HYKK: variants seen among roughly 807,000 people sequenced by gnomAD.
HYKK encodes hydroxylysine kinase.
In HYKK, 19 loss-of-function variants were observed where a neutral mutation model predicts 29.7. That is an observed-to-expected ratio of 0.64 (90% CI 0.45 to 0.94). HYKK has a LOEUF of 0.94. Among genes scored for constraint, HYKK ranks in the 40% least tolerant of loss-of-function variants. The probability of loss-of-function intolerance (pLI) is 0.00; values close to 1 mark genes in which losing one functional copy is unlikely to be tolerated. For synonymous variants in HYKK, 152 were observed against 158.1 expected (o/e 0.96, Z 0.29); for missense variants, 390 against 443.4 (o/e 0.88, Z 1.08).
chr15:78,527,107 C>G (rs2052262045), intron 3 of HYKK, among the ~76,000 whole-genome samples: 1 of 150,312 alleles, frequency 6.7e-6, no homozygotes, highest in South Asian at 2.1e-4. Context: ...GAAACCCTGT[C>G]TCTACTAATA....
chr15:78,517,146 C>G (rs982737805), intron 3 of HYKK, among the ~76,000 whole-genome samples: 1 of 94,810 alleles, frequency 1.1e-5, no homozygotes, highest in Non-Finnish European at 2.0e-5. Context: ...GAGTTTCTGT[C>G]TGTTGCCCAG....
intron 1 of HYKK, among the ~76,000 whole-genome samples, chr15:78,511,489 A>G (rs183831983): frequency 6.6e-6 from 1 of 152,124 alleles, no homozygotes; most frequent in Admixed American, 6.5e-5. Flanking sequence ...TGGGATTACA[A>G]AGCAGAGGCA....
At chr15:78,518,770 C>T in intron 3 of HYKK, 1 of 328,310 alleles carries the variant, frequency 3.0e-6, no homozygotes, top group Non-Finnish European at 6.1e-6. Context: ...CAAAAATTAG[C>T]CAGGTATGGT....
At chr15:78,513,007 C>T in intron 1 of HYKK, 77 bp from the exon 2 acceptor site, 1 of 758,042 alleles carries the variant, frequency 1.3e-6, no homozygotes. Context: ...CATTACTGGT[C>T]TGTCTTGAGA....
At chr15:78,520,827 G>A (rs999220468) in intron 3 of HYKK, among the ~76,000 whole-genome samples, 15 of 149,156 alleles carry the variant, frequency 1.0e-4, no homozygotes, top group African/African-American at 2.0e-4. Flanking sequence ...GGGCAGAGGC[G>A]CCCCTCACCT....
rs2052098622 is a variant in HYKK at position 78,513,666 on chromosome 15, T to C, written c.337+241T>C. On this transcript the variant is annotated intron_variant, in intron 2 of 4. Coordinates refer to ENST00000388988, the MANE Select transcript of HYKK (RefSeq NM_001013619.4). ...GAGTAGTGGTTAGAGCCCAATGTGG[T>C]ATAAGTTTTCTGTTTAGAAAGGCCC... Among the ~76,000 whole-genome samples, 5 of 152,292 alleles carry C rather than the reference T, an allele frequency of 3.3e-5. No individual in the cohort carries two copies. The South Asian group carries it at 1.0e-3, about 32-fold the overall frequency.
chr15:78,513,610 C>T lies in HYKK; in HGVS notation c.337+185C>T, dbSNP rs1388671971. 3.3e-5 allele frequency among the ~76,000 whole-genome samples: 5 copies of T among 152,112 alleles called. No homozygotes were observed. In the East Asian group the frequency reaches 5.8e-4, roughly 18 times the overall value. On this transcript the variant is annotated intron_variant, in intron 2 of 4. Transcript: ENST00000388988. Reference sequence around the variant, plus strand: ...TTTTCGGTGCTGGGAGAAGCTACAGCGTCATCAAAGTGGTGATTGGTCCTC... The same window carrying T: ...TTTTCGGTGCTGGGAGAAGCTACAGTGTCATCAAAGTGGTGATTGGTCCTC...
At chr15:78,520,871 A>AC (rs1203463791) in intron 3 of HYKK, among the ~76,000 whole-genome samples, 18 of 140,374 alleles carry the variant, frequency 1.3e-4, no homozygotes, top group East Asian at 4.3e-4. Flanking sequence ...CGGGGGGCTG[A>AC]CCCCCCCACC....
rs376488932 is a variant in HYKK at position 78,533,456 on chromosome 15, G to A, written c.908G>A (p.Gly303Asp). The stretch of plus-strand genomic sequence containing the variant: ...ACCCCACTGACAGCTGTAGAGAAGG[G>A]TGCTTTGTTTTTACTTGTATGCAGT... ...SITPLTAVEK[G>D]ALFLLVCSRF... Residue 303 changes from glycine (G) to aspartate (D), a missense_variant, in exon 5 of 5, where the codon GGT becomes GAT. Gly to Asp is a moderately conservative substitution (Grantham distance 94). Coordinates refer to ENST00000388988, the MANE Select transcript of HYKK (RefSeq NM_001013619.4). The A allele has an allele frequency of 9.9e-5, 159 of 1,614,070 alleles. No homozygotes were observed. Among genetic ancestry groups the A allele is most frequent in the Non-Finnish European group, 1.3e-4 (151 of 1,180,042 alleles).
At chr15:78,529,078 T>A (rs1265585787) in intron 4 of HYKK, among the ~76,000 whole-genome samples, 1 of 152,174 alleles carries the variant, frequency 6.6e-6, no homozygotes, top group Non-Finnish European at 1.5e-5. Context: ...TCAAATTCTA[T>A]CCATTCTTTC....
downstream of HYKK, chr15:78,537,276 A>T (rs766500950): frequency 3.1e-6 from 2 of 638,654 alleles, no homozygotes; most frequent in African/African-American, 3.6e-5. Context: ...CATAAATTAA[A>T]TATTTATTTT....
chr15:78,508,825 C>T (rs2052040623), intron 1 of HYKK, among the ~76,000 whole-genome samples: 3 of 135,734 alleles, frequency 2.2e-5, no homozygotes, highest in Non-Finnish European at 4.6e-5. Flanking sequence ...AGGAGGATTG[C>T]TTGAGCCCAG....
chr15:78,521,281 G>A (rs2052193572), intron 3 of HYKK, among the ~76,000 whole-genome samples: 1 of 151,998 alleles, frequency 6.6e-6, no homozygotes, highest in Non-Finnish European at 1.5e-5. Context: ...TCCTCAGATG[G>A]GCTGGAAGTC....
intron 3 of HYKK, among the ~76,000 whole-genome samples, chr15:78,517,286 C>T (rs2052145821): frequency 6.6e-6 from 1 of 151,666 alleles, no homozygotes; most frequent in African/African-American, 2.4e-5. Flanking sequence ...TTAAGACTTT[C>T]TCTTGAGGCC....
chr15:78,514,796 G>A (rs1029108281), intron 2 of HYKK, among the ~76,000 whole-genome samples, 172 bp from the exon 3 acceptor site: 3 of 151,778 alleles, frequency 2.0e-5, no homozygotes, highest in African/African-American at 7.3e-5. Context: ...GCTGTTTTAG[G>A]TTAGCACATT....
rs566390305 is a variant in HYKK at position 78,517,005 on chromosome 15, C to T, written c.477+1898C>T. Among the ~76,000 whole-genome samples, 165 of 151,044 alleles carry T rather than the reference C, an allele frequency of 1.1e-3. 4 individuals are homozygous for T. The highest frequency in any genetic ancestry group is 9.0e-4 in the Non-Finnish European group (61 of 67,748). On this transcript the variant is annotated intron_variant, in intron 3 of 4. Transcript: ENST00000388988. ...CTGCACTCCAGCTTGGGTGACAGAG[C>T]AAGACCTTGTCTCAAAAAAAAAGAA...
At chr15:78,529,893 A>G (rs1482168220) in intron 4 of HYKK, among the ~76,000 whole-genome samples, 1 of 151,966 alleles carries the variant, frequency 6.6e-6, no homozygotes, top group African/African-American at 2.4e-5. Flanking sequence ...GCTGGAGTGC[A>G]GTGGTACGAT....
rs551792780 is a variant in HYKK at position 78,520,194 on chromosome 15, C to T, written c.477+5087C>T. On this transcript the variant is annotated intron_variant, in intron 3 of 4. Coordinates refer to ENST00000388988, the MANE Select transcript of HYKK (RefSeq NM_001013619.4). ...TTGCTCATCCCCTCACCCAGTCTCA[C>T]CCCATGCCTTTGCAGGAGCTGAGTT... is the stretch of plus-strand genomic sequence containing the variant. Among the ~76,000 whole-genome samples, 4 of 152,332 alleles carry T rather than the reference C, an allele frequency of 2.6e-5. No homozygotes were observed. In the East Asian group the frequency reaches 7.7e-4, roughly 29 times the overall value.
At chr15:78,511,286 C>G (rs562407525) in intron 1 of HYKK, among the ~76,000 whole-genome samples, 1 of 152,180 alleles carries the variant, frequency 6.6e-6, no homozygotes, top group South Asian at 2.1e-4. Context: ...ATATTTGGTT[C>G]CTGAAGCATG....
Sources: allele counts gnomAD v4.1 joint callset (sites outside exome capture counted in the v4.1 genomes callset), GRCh38; gene constraint gnomAD v4.1.1; transcripts MANE v1.5; gene names NCBI Gene and HGNC (gene_info 2026-07-23, HGNC 2026-07-21).